The following PTPN12 variants were observed in gnomAD, a reference collection of about 807,000 sequenced individuals.
The protein encoded by PTPN12 is tyrosine-protein phosphatase non-receptor type 12.
PTPN12 carries 29 observed loss-of-function variants against 97.6 expected under a neutral mutation model. The ratio of observed to expected loss-of-function variants is 0.30; its 90% CI spans 0.22 to 0.41. PTPN12 has a LOEUF of 0.41. PTPN12 is among the 10% of genes least tolerant of loss of function. PTPN12 has a pLI of 1.00. For missense variants in PTPN12, 819 were observed against 926.0 expected, an observed-to-expected ratio of 0.88 and a Z score of 1.50; for synonymous variants, 327 against 300.4, an observed-to-expected ratio of 1.09 and a Z score of -0.91.
intron 2 of PTPN12, among the ~76,000 whole-genome samples, chr7:77,577,301 T>C (rs1047633093): frequency 5.3e-5 from 8 of 152,246 alleles, no homozygotes; most frequent in African/African-American, 1.7e-4. Context: ...GGCATACCTC[T>C]GTCTGTGCAT....
intron 1 of PTPN12, among the ~76,000 whole-genome samples, chr7:77,569,242 C>T (rs1333995981): frequency 2.0e-5 from 3 of 152,102 alleles, no homozygotes; most frequent in African/African-American, 7.2e-5. Flanking sequence ...CTTTTTAACA[C>T]CAGTAGTAAT....
rs1789477238 is a variant in PTPN12, at chr7:77,633,494, A to G, written c.2074+1069A>G. Among the ~76,000 whole-genome samples the G allele has an allele frequency of 2.0e-5, 3 of 151,894 alleles. No homozygotes were observed. In the South Asian group the frequency reaches 6.2e-4, roughly 32 times the overall value. On this transcript the variant is annotated intron_variant, in intron 14 of 17. Transcript: ENST00000248594. ...TGTGGTGGCATGCACCAGTAGTCCC[A>G]GCTGCTCGGGAGGCTGAGGCAGGAG...
intron 12 of PTPN12, among the ~76,000 whole-genome samples, chr7:77,625,472 G>GCTTGCGCGCGCTCTCTCTCTCTCT (rs1554326598): frequency 8.9e-5 from 3 of 33,522 alleles, no homozygotes; most frequent in African/African-American, 4.0e-4. Flanking sequence ...CAGGCTGCTC[G>GCTTGCGCGCGCTCTCTCTCTCTCT]CTCTCTCTCT....
chr7:77,552,709 T>C (rs1807533729), intron 1 of PTPN12, among the ~76,000 whole-genome samples: 1 of 152,190 alleles, frequency 6.6e-6, no homozygotes, highest in Non-Finnish European at 1.5e-5. Context: ...GGAAGTAACA[T>C]ATCTTTGTTA....
chr7:77,639,113 T>G (rs191523982), intron 17 of PTPN12, 106 bp from the exon 18 acceptor site: 2 of 917,550 alleles, frequency 2.2e-6, no homozygotes, highest in East Asian at 5.4e-5. Flanking sequence ...AATTCCCTTG[T>G]GGAAATTTAT....
chr7:77,636,191 A>G (rs1006057897), intron 15 of PTPN12, among the ~76,000 whole-genome samples: 1 of 152,176 alleles, frequency 6.6e-6, no homozygotes, highest in Non-Finnish European at 1.5e-5. Flanking sequence ...TTACATTTCT[A>G]GATGCTTCCC....
At chr7:77,633,683 G>T (rs531501128) in intron 14 of PTPN12, among the ~76,000 whole-genome samples, 2 of 151,996 alleles carry the variant, frequency 1.3e-5, no homozygotes, top group Non-Finnish European at 2.9e-5. Context: ...AAACATTTCT[G>T]TTGGGTGGGC....
intron 6 of PTPN12, among the ~76,000 whole-genome samples, chr7:77,592,623 A>T (rs546312145): frequency 6.6e-6 from 1 of 152,294 alleles, no homozygotes; most frequent in Non-Finnish European, 1.5e-5. Context: ...GTATCATATT[A>T]ACCCTTCATA....
intron 2 of PTPN12, among the ~76,000 whole-genome samples, chr7:77,572,262 C>T (rs1021082966): frequency 1.3e-5 from 2 of 152,114 alleles, no homozygotes; most frequent in Admixed American, 6.6e-5. Context: ...CCACCATACC[C>T]AGCTAATTTT....
chr7:77,636,470 T>G (rs1290722417), intron 15 of PTPN12, among the ~76,000 whole-genome samples: 8 of 151,968 alleles, frequency 5.3e-5, no homozygotes, highest in Non-Finnish European at 1.2e-4. Flanking sequence ...TGGTCCCAGC[T>G]TTTTGGGAGG....
At chr7:77,614,392 C>G (rs1337105570) in intron 11 of PTPN12, among the ~76,000 whole-genome samples, 1 of 151,934 alleles carries the variant, frequency 6.6e-6, no homozygotes. Flanking sequence ...TCTAATAGGT[C>G]AGAGCTTTAC....
At chr7:77,565,534 G>T (rs1361826888) in intron 1 of PTPN12, among the ~76,000 whole-genome samples, 1 of 152,190 alleles carries the variant, frequency 6.6e-6, no homozygotes, top group Non-Finnish European at 1.5e-5. Context: ...ACATCCAGTG[G>T]ACAGGCCAAT....
At chr7:77,548,228 G>A (rs948349445) in intron 1 of PTPN12, among the ~76,000 whole-genome samples, 2 of 152,118 alleles carry the variant, frequency 1.3e-5, no homozygotes, top group African/African-American at 4.8e-5. Context: ...CATTTAAAAA[G>A]CCTTCAGGAC....
In PTPN12 at chr7:77,582,394, TC is replaced by T. The variant is rs528809953; in HGVS notation, c.285+892del. ...CCATCAGCTAATCTGTGATTTTTAA[TC>T]TTTCAAGTGATATGATAGTATAATT... On this transcript the variant is annotated intron_variant, in intron 3 of 17. Coordinates refer to ENST00000248594, the MANE Select transcript of PTPN12 (RefSeq NM_002835.4). Among the ~76,000 whole-genome samples, 21 of 152,296 alleles carry T rather than the reference TC, an allele frequency of 1.4e-4. No individual in the cohort carries two copies. In the South Asian group the frequency reaches 4.1e-3, roughly 30 times the overall value.
intron 1 of PTPN12, among the ~76,000 whole-genome samples, chr7:77,538,259 A>T (rs1390313688): frequency 6.6e-6 from 1 of 151,776 alleles, no homozygotes; most frequent in Admixed American, 6.6e-5. Flanking sequence ...ATTTCCATTT[A>T]CCCGCGTCCC....
At chr7:77,570,477 C>A (rs894793433) in intron 1 of PTPN12, among the ~76,000 whole-genome samples, 6 of 152,170 alleles carry the variant, frequency 3.9e-5, no homozygotes, top group Non-Finnish European at 7.3e-5. Context: ...ATTACTGACA[C>A]GCAGAAATAT....
intron 2 of PTPN12, among the ~76,000 whole-genome samples, chr7:77,577,606 G>A (rs1787382413): frequency 6.6e-6 from 1 of 152,008 alleles, no homozygotes; most frequent in Non-Finnish European, 1.5e-5. Context: ...CTTATTACAT[G>A]CAATAAATAT....
intron 9 of PTPN12, among the ~76,000 whole-genome samples, chr7:77,610,318 C>G (rs1284986793): frequency 6.6e-6 from 1 of 152,184 alleles, no homozygotes; most frequent in Admixed American, 6.5e-5. Flanking sequence ...CCTAAATATC[C>G]TTATCTTCTC....
intron 1 of PTPN12, among the ~76,000 whole-genome samples, chr7:77,548,507 T>G (rs1477811143): frequency 6.6e-6 from 1 of 152,214 alleles, no homozygotes; most frequent in Non-Finnish European, 1.5e-5. Flanking sequence ...GTTTAGAAAT[T>G]AAGGAGCTTG....
Sources: gnomAD v4.1 joint callset for allele counts (sites outside exome capture counted in the v4.1 genomes callset) on GRCh38, gnomAD v4.1.1 for gene constraint, MANE v1.5 for transcripts, NCBI Gene and HGNC (gene_info 2026-07-23, HGNC 2026-07-21) for gene names.